The following NAALAD2 variants were observed in gnomAD, a reference collection of about 807,000 sequenced individuals.
NAALAD2 encodes N-acetylated alpha-linked acidic dipeptidase 2, also known as N-acetylated-alpha-linked acidic dipeptidase 2.
A neutral mutation model predicts 95.6 loss-of-function variants in NAALAD2; 89 were observed. That is an observed-to-expected ratio of 0.93 (90% CI 0.78 to 1.11). The LOEUF (loss-of-function observed/expected upper bound fraction) is 1.11. Ranked by LOEUF, NAALAD2 falls within the 50% of genes least tolerant of loss-of-function variation. NAALAD2 has a pLI of 0.00. For missense variants in NAALAD2, 894 were observed against 872.4 expected (o/e 1.02, Z -0.31); for synonymous variants, 264 against 294.4 (o/e 0.90, Z 1.06).
chr11:90,134,246 T>G (rs10765249), upstream of NAALAD2, among the ~76,000 whole-genome samples: 20,840 of 152,158 alleles, frequency 0.14, 1,636 homozygotes, highest in South Asian at 0.22. Context: ...ATGCTGACAG[T>G]GATTGCGGTA....
At chr11:90,166,555 G>T (rs1952452321) in intron 11 of NAALAD2, among the ~76,000 whole-genome samples, 1 of 152,186 alleles carries the variant, frequency 6.6e-6, no homozygotes, top group Non-Finnish European at 1.5e-5. Context: ...ATACAGATTG[G>T]CTGGGCGCGG....
intron 18 of NAALAD2, among the ~76,000 whole-genome samples, chr11:90,188,790 A>C (rs2135000456): frequency 6.6e-6 from 1 of 152,342 alleles, no homozygotes; most frequent in African/African-American, 2.4e-5. Context: ...AATAAGTAAT[A>C]AATCCTTATC....
chr11:90,140,620 C>A (rs544918665), intron 2 of NAALAD2, among the ~76,000 whole-genome samples: 128 of 151,938 alleles, frequency 8.4e-4, no homozygotes, highest in Non-Finnish European at 1.1e-3. Flanking sequence ...AGATATAAGT[C>A]TTTTGTTGGA....
Position 90,191,869 on chromosome 11 carries a change from G to A in NAALAD2, c.*122G>A. 1.4e-6 allele frequency: 1 copy of A among 724,704 alleles called. No individual in the cohort carries two copies. Among genetic ancestry groups the A allele is most frequent in the Non-Finnish European group, 2.0e-6 (1 of 505,654 alleles). 44.9% of individuals were successfully genotyped at this position (724,704 alleles called of 1,614,324 possible). A position where few individuals can be genotyped will look rare whatever the true frequency, so the allele number is the denominator to read the frequency against. On this transcript the variant is annotated 3_prime_UTR_variant, in exon 19 of 19. Coordinates refer to ENST00000534061, the MANE Select transcript of NAALAD2 (RefSeq NM_005467.4). ...TTTTCATGTCATGTTTTGATTATAG[G>A]CTTTGGTCTTTTCATCTGCAAAGCC... is the stretch of plus-strand genomic sequence containing the variant.
intron 3 of NAALAD2, among the ~76,000 whole-genome samples, chr11:90,147,739 A>G (rs1951781059): frequency 6.6e-6 from 1 of 152,184 alleles, no homozygotes; most frequent in East Asian, 1.9e-4. Flanking sequence ...ACCTCAAATT[A>G]GTATGGTAAG....
At chr11:90,167,805 G>A (rs1482894225) in intron 11 of NAALAD2, among the ~76,000 whole-genome samples, 2 of 152,126 alleles carry the variant, frequency 1.3e-5, no homozygotes, top group Non-Finnish European at 2.9e-5. Context: ...TTTGTGTGTA[G>A]CTCAGGGATT....
At chr11:90,167,632 T>G (rs975757773) in intron 11 of NAALAD2, among the ~76,000 whole-genome samples, 1 of 152,154 alleles carries the variant, frequency 6.6e-6, no homozygotes, top group Non-Finnish European at 1.5e-5. Context: ...TGGAGAATCT[T>G]TATGTCTAGC....
chr11:90,187,127 A>G (rs1413739322), intron 18 of NAALAD2, among the ~76,000 whole-genome samples: 15 of 151,940 alleles, frequency 9.9e-5, no homozygotes, highest in African/African-American at 3.4e-4. Flanking sequence ...ATGAGATACC[A>G]TCTCACACCA....
chr11:90,172,322 T>C (rs1342968770), intron 13 of NAALAD2, among the ~76,000 whole-genome samples: 1 of 152,108 alleles, frequency 6.6e-6, no homozygotes, highest in Non-Finnish European at 1.5e-5. Flanking sequence ...TATCATCTCA[T>C]TCATACAAAG....
chr11:90,192,646 T>G lies in NAALAD2; in HGVS notation c.*899T>G, dbSNP rs889823564. The stretch of plus-strand genomic sequence containing the variant: ...GAAACCAGAATCATATACCTTCTCT[T>G]GTGAAATCACCATGAAGTGTGAATG... On this transcript the variant is annotated 3_prime_UTR_variant, in exon 19 of 19. Coordinates refer to ENST00000534061, the MANE Select transcript of NAALAD2 (RefSeq NM_005467.4). 9.9e-5 allele frequency: 15 copies of G among 152,070 alleles called. No individual in the cohort carries two copies. The highest frequency in any genetic ancestry group is 3.6e-4 in the African/African-American group (15 of 41,456). The allele number at this position is 152,070 out of a possible 1,614,324, so 9.4% of individuals were successfully genotyped here. A position where few individuals can be genotyped will look rare whatever the true frequency, so the allele number is the denominator to read the frequency against.
chr11:90,168,806 C>A, intron 11 of NAALAD2, 123 bp from the exon 12 acceptor site: 1 of 728,660 alleles, frequency 1.4e-6, no homozygotes, highest in Non-Finnish European at 2.4e-6. Context: ...CACAGATGGA[C>A]CTAGCTATTT....
intron 13 of NAALAD2, among the ~76,000 whole-genome samples, chr11:90,172,803 A>G (rs1312431082): frequency 2.0e-5 from 3 of 152,206 alleles, no homozygotes; most frequent in Non-Finnish European, 4.4e-5. Context: ...ATAGTGGCAC[A>G]GAAGTTAGAA....
intron 12 of NAALAD2, among the ~76,000 whole-genome samples, chr11:90,169,854 A>G (rs951736798): frequency 2.6e-5 from 4 of 152,172 alleles, no homozygotes; most frequent in African/African-American, 9.7e-5. Flanking sequence ...CTTAGCAACC[A>G]AAGTCCACCA....
chr11:90,162,414 T>G (rs528271954), intron 8 of NAALAD2: 3 of 152,240 alleles, frequency 2.0e-5, no homozygotes, highest in Admixed American at 6.5e-5. Flanking sequence ...TTTTTTATGT[T>G]TTTTATAGGT....
At chr11:90,156,158 T>C (rs1952114375) in intron 6 of NAALAD2, among the ~76,000 whole-genome samples, 1 of 152,006 alleles carries the variant, frequency 6.6e-6, no homozygotes, top group African/African-American at 2.4e-5. Context: ...AGTTTATTAG[T>C]TTTATTGATC....
At chr11:90,184,093 A>G (rs1565550220) in intron 18 of NAALAD2, among the ~76,000 whole-genome samples, 1 of 152,164 alleles carries the variant, frequency 6.6e-6, no homozygotes, top group Non-Finnish European at 1.5e-5. Context: ...TGTGTGACTT[A>G]AAGCAAGTAA....
In NAALAD2 at chr11:90,183,023, G is replaced by A; in HGVS notation, c.2033+15G>A. On this transcript the variant is annotated intron_variant, in intron 18 of 18. Coordinates refer to ENST00000534061, the MANE Select transcript of NAALAD2 (RefSeq NM_005467.4). Reference sequence around the variant, plus strand: ...CTGTTCTATAGGTAAGGAAACAACAGGCGCCAAATACATCACTGTGACCAA... The same window carrying A: ...CTGTTCTATAGGTAAGGAAACAACAAGCGCCAAATACATCACTGTGACCAA... The A allele has an allele frequency of 6.3e-7, 1 of 1,589,342 alleles. No individual in the cohort carries two copies. The highest frequency in any genetic ancestry group is 2.2e-5 in the East Asian group (1 of 44,668).
At chr11:90,138,725 CTT>C (rs562496549) in intron 2 of NAALAD2, among the ~76,000 whole-genome samples, 6 of 61,520 alleles carry the variant, frequency 9.8e-5, no homozygotes, top group Admixed American at 2.0e-4. Context: ...CATCCCTCAA[CTT>C]TTTTTTTTTT....
chr11:90,137,015 T>C (rs2134816909), intron 2 of NAALAD2, among the ~76,000 whole-genome samples: 1 of 152,286 alleles, frequency 6.6e-6, no homozygotes, highest in East Asian at 1.9e-4. Flanking sequence ...CAGGATGGAT[T>C]ATTACTCAGC....
Sources: allele counts gnomAD v4.1 joint callset (sites outside exome capture counted in the v4.1 genomes callset), GRCh38; gene constraint gnomAD v4.1.1; transcripts MANE v1.5; gene names NCBI Gene and HGNC (gene_info 2026-07-23, HGNC 2026-07-21).